GABRB1: variants seen among roughly 807,000 people sequenced by gnomAD.
GABRB1 encodes gamma-aminobutyric acid type A receptor subunit beta1, also known as gamma-aminobutyric acid receptor subunit beta-1.
GABRB1 carries 17 observed loss-of-function variants against 51.6 expected under a neutral mutation model. That is an observed-to-expected ratio of 0.33 (90% confidence interval 0.23 to 0.49). The LOEUF is 0.49. Among genes scored for constraint, GABRB1 ranks in the 20% least tolerant of loss-of-function variants. GABRB1 has a pLI of 0.99. For synonymous variants in GABRB1, 247 were observed against 218.9 expected, an observed-to-expected ratio of 1.13 and a Z score of -1.14; for missense variants, 410 against 600.6, an observed-to-expected ratio of 0.68 and a Z score of 3.32.
chr4:47,056,785 A>G (rs986570795), intron 3 of GABRB1, among the ~76,000 whole-genome samples: 4 of 152,182 alleles, frequency 2.6e-5, no homozygotes, highest in Non-Finnish European at 5.9e-5. Context: ...AAGAGACAGA[A>G]AGAGATCGTT....
chr4:47,236,966 G>T (rs1721354587), intron 4 of GABRB1, among the ~76,000 whole-genome samples: 1 of 151,858 alleles, frequency 6.6e-6, no homozygotes, highest in South Asian at 2.1e-4. Context: ...ACATATAAAA[G>T]GTACAAGTAT....
chr4:47,267,392 A>C (rs933514103), intron 4 of GABRB1, among the ~76,000 whole-genome samples: 2 of 152,046 alleles, frequency 1.3e-5, no homozygotes, highest in Non-Finnish European at 2.9e-5. Context: ...GCCTCATAGA[A>C]AGTAGAAAAA....
intron 4 of GABRB1, among the ~76,000 whole-genome samples, chr4:47,267,739 G>T (rs1370970356): frequency 6.6e-6 from 1 of 152,146 alleles, no homozygotes; most frequent in Non-Finnish European, 1.5e-5. Flanking sequence ...AGGTTGCAGT[G>T]AGCTGAGATT....
At chr4:47,256,148 T>C (rs1422059146) in intron 4 of GABRB1, among the ~76,000 whole-genome samples, 1 of 152,104 alleles carries the variant, frequency 6.6e-6, no homozygotes, top group African/African-American at 2.4e-5. Flanking sequence ...AGTGTGGGGA[T>C]GAAGACAAAT....
At chr4:47,264,313 A>G (rs1578047003) in intron 4 of GABRB1, among the ~76,000 whole-genome samples, 1 of 152,222 alleles carries the variant, frequency 6.6e-6, no homozygotes, top group East Asian at 1.9e-4. Context: ...AAAGGCTAGA[A>G]GAGTTTTATA....
At chr4:47,122,863 T>C in intron 3 of GABRB1, among the ~76,000 whole-genome samples, 1 of 152,166 alleles carries the variant, frequency 6.6e-6, no homozygotes, top group East Asian at 1.9e-4. Context: ...GAAGCCTTCC[T>C]CTAGCTCCCT....
chr4:47,076,490 T>A (rs1031579560), intron 3 of GABRB1, among the ~76,000 whole-genome samples: 1 of 152,102 alleles, frequency 6.6e-6, no homozygotes, highest in African/African-American at 2.4e-5. Flanking sequence ...CCAGACCAGA[T>A]CTCCTTCAGA....
intron 5 of GABRB1, among the ~76,000 whole-genome samples, chr4:47,368,556 T>C (rs1727073419): frequency 6.6e-6 from 1 of 152,132 alleles, no homozygotes; most frequent in Admixed American, 6.5e-5. Context: ...GTGATAACAC[T>C]AAGAAATCTT....
At chr4:47,345,059 T>C (rs942415888) in intron 5 of GABRB1, among the ~76,000 whole-genome samples, 4 of 152,176 alleles carry the variant, frequency 2.6e-5, no homozygotes, top group Non-Finnish European at 5.9e-5. Flanking sequence ...GTAAAATGTT[T>C]TTCAGTGCCT....
chr4:47,298,698 A>C (rs1010553922), intron 4 of GABRB1, among the ~76,000 whole-genome samples: 5 of 152,240 alleles, frequency 3.3e-5, no homozygotes, highest in African/African-American at 1.2e-4. Flanking sequence ...CATCCCCATT[A>C]AGCTACCAAT....
chr4:47,380,468 T>A (rs532469985), intron 5 of GABRB1, among the ~76,000 whole-genome samples: 1 of 152,300 alleles, frequency 6.6e-6, no homozygotes, highest in East Asian at 1.9e-4. Context: ...AGATAAGGGA[T>A]AAGCCCCATC....
At chr4:47,256,429 G>A (rs1025127498) in intron 4 of GABRB1, among the ~76,000 whole-genome samples, 1 of 152,116 alleles carries the variant, frequency 6.6e-6, no homozygotes, top group African/African-American at 2.4e-5. Context: ...AATAATTAAT[G>A]TTTGCTATTT....
chr4:47,381,249 G>A (rs538694867), intron 5 of GABRB1, among the ~76,000 whole-genome samples: 7 of 152,252 alleles, frequency 4.6e-5, no homozygotes, highest in African/African-American at 1.7e-4. Context: ...AACTTCAGCT[G>A]TAACTTCTGT....
chr4:47,354,903 ACCTGCCTG>A (rs55735490), intron 5 of GABRB1, among the ~76,000 whole-genome samples: 16 of 128,648 alleles, frequency 1.2e-4, no homozygotes, highest in South Asian at 2.6e-4. Flanking sequence ...AGGCCTTCCT[ACCTGCCTG>A]CCTGCCTGCC....
At chr4:47,357,807 T>C (rs992777116) in intron 5 of GABRB1, among the ~76,000 whole-genome samples, 2 of 152,196 alleles carry the variant, frequency 1.3e-5, no homozygotes, top group Admixed American at 1.3e-4. Flanking sequence ...GGTTCTCTGA[T>C]GTTCTCAGTG....
intron 3 of GABRB1, among the ~76,000 whole-genome samples, chr4:47,140,964 G>C (rs1250307723): frequency 6.6e-6 from 1 of 151,708 alleles, no homozygotes; most frequent in Non-Finnish European, 1.5e-5. Flanking sequence ...CAGAGTGTTT[G>C]TGAGAAAGAT....
At position 47,373,831 on chromosome 4, in the gene GABRB1, T is replaced by C. The variant is rs567152310; in HGVS notation, c.545-29487T>C. Among the ~76,000 whole-genome samples, 4 of 152,232 alleles carry C rather than the reference T, an allele frequency of 2.6e-5. No individual in the cohort carries two copies. In the East Asian group the frequency reaches 7.7e-4, roughly 29 times the overall value. On this transcript the variant is annotated intron_variant, in intron 5 of 8. Transcript: ENST00000295454. Reference sequence around the variant, plus strand: ...TTTGGTAAGTGCAAAGAAAGATACATATAGAGTGCGTATCAGCTCAGGATG... The same window carrying C: ...TTTGGTAAGTGCAAAGAAAGATACACATAGAGTGCGTATCAGCTCAGGATG...
chr4:47,100,958 T>C (rs999534955), intron 3 of GABRB1, among the ~76,000 whole-genome samples: 1 of 152,000 alleles, frequency 6.6e-6, no homozygotes. Flanking sequence ...AATAGGACAG[T>C]ATGTTGTCTA....
intron 4 of GABRB1, among the ~76,000 whole-genome samples, chr4:47,237,040 A>G (rs1333608622): frequency 1.3e-5 from 2 of 152,130 alleles, no homozygotes; most frequent in African/African-American, 4.8e-5. Flanking sequence ...TCAACCAAAA[A>G]TTTCTCAAAA....
Sources: gnomAD v4.1 joint callset for allele counts (sites outside exome capture counted in the v4.1 genomes callset) on GRCh38, gnomAD v4.1.1 for gene constraint, MANE v1.5 for transcripts, NCBI Gene and HGNC (gene_info 2026-07-23, HGNC 2026-07-21) for gene names.